Variants in HNRNPUL1 observed in about 807,000 individuals in gnomAD.
HNRNPUL1 encodes the protein heterogeneous nuclear ribonucleoprotein U like 1.
HNRNPUL1 carries 14 observed loss-of-function variants against 108.5 expected under a neutral mutation model. The observed-to-expected ratio is 0.13, with a 90% CI of 0.09 to 0.20. The LOEUF (loss-of-function observed/expected upper bound fraction) is 0.20. Among genes scored for constraint, HNRNPUL1 ranks in the 10% least tolerant of loss-of-function variants. HNRNPUL1 has a pLI of 1.00. For synonymous variants in HNRNPUL1, 422 were observed against 445.2 expected (o/e 0.95, Z 0.66); for missense variants, 804 against 1,168.3 (o/e 0.69, Z 4.55).
At chr19:41,273,801 G>A (rs1005556156) in intron 3 of HNRNPUL1, among the ~76,000 whole-genome samples, 181 bp from the exon 4 acceptor site, 8 of 152,144 alleles carry the variant, frequency 5.3e-5, no homozygotes, top group Non-Finnish European at 8.8e-5. Context: ...AGGAGTTGAC[G>A]GTCATTGCTC....
intron 3 of HNRNPUL1, among the ~76,000 whole-genome samples, chr19:41,273,069 C>T (rs1381772170): frequency 6.6e-6 from 1 of 152,210 alleles, no homozygotes; most frequent in East Asian, 1.9e-4. Flanking sequence ...GGACATGGAT[C>T]CCACCTCATA....
chr19:41,281,293 G>T lies in HNRNPUL1; in HGVS notation c.999+18G>T. 1 of 1,551,656 alleles carries T rather than the reference G, an allele frequency of 6.4e-7. No homozygotes were observed. The highest frequency in any genetic ancestry group is 8.9e-7 in the Non-Finnish European group (1 of 1,123,364). ...GCTTTGCGGTGAGTGCTAGCAGCCT[G>T]TGGGAGTTGGCAGAACCAGATGTTG... On this transcript the variant is annotated intron_variant, in intron 7 of 14. Transcript: ENST00000392006.
chr19:41,266,359 G>C (rs1388366134), intron 1 of HNRNPUL1, among the ~76,000 whole-genome samples: 1 of 152,106 alleles, frequency 6.6e-6, no homozygotes, highest in African/African-American at 2.4e-5. Flanking sequence ...CTTGAACTTG[G>C]GAGGGGGAGG....
rs1647925785 is a variant in HNRNPUL1 at position 41,264,495 on chromosome 19, G to A, written c.-9G>A. The stretch of plus-strand genomic sequence containing the variant: ...GCCGGGCTCGGGGGCCACCCCGGGG[G>A]CCCGGGCCATGGATGTGCGCCGTCT... On this transcript the variant is annotated 5_prime_UTR_variant, in exon 1 of 15. Transcript: ENST00000392006. 1 of 1,362,354 alleles carries A rather than the reference G, an allele frequency of 7.3e-7. No homozygotes were observed. 84.4% of individuals were successfully genotyped at this position (1,362,354 alleles called of 1,614,324 possible).
chr19:41,302,219 T>TTTTG (rs2037258070), intron 11 of HNRNPUL1, among the ~76,000 whole-genome samples: 1 of 143,488 alleles, frequency 7.0e-6, no homozygotes, highest in Non-Finnish European at 1.5e-5. Context: ...TCTCTGTTTT[T>TTTTG]TTTTTTTTTT....
intron 1 of HNRNPUL1, among the ~76,000 whole-genome samples, chr19:41,267,251 G>T (rs1325436321): frequency 6.6e-6 from 1 of 152,146 alleles, no homozygotes; most frequent in African/African-American, 2.4e-5. Context: ...TGAGAAGAGG[G>T]ATGTTTTAGA....
Position 41,294,542 on chromosome 19 carries a change from CAAT to C in HNRNPUL1, c.1390-15_1390-13del. 5 of 1,614,020 alleles carry C rather than the reference CAAT, an allele frequency of 3.1e-6. No homozygotes were observed. Among genetic ancestry groups the C allele is most frequent in the Non-Finnish European group, 4.2e-6 (5 of 1,179,896 alleles). The stretch of plus-strand genomic sequence containing the variant: ...GCAACTAAAATCACTCACCCCTCAC[CAAT>C]TCCTGCCCGCAGGTGATGGGCCTAC... On this transcript the variant is annotated splice_polypyrimidine_tract_variant and intron_variant, in intron 9 of 14. Transcript: ENST00000392006. The surrounding 1 kb of genome is among the most constrained non-coding windows in gnomAD (Gnocchi z 4.3).
chr19:41,300,076 C>T (rs1046542552), intron 10 of HNRNPUL1, among the ~76,000 whole-genome samples: 1 of 152,168 alleles, frequency 6.6e-6, no homozygotes, highest in Non-Finnish European at 1.5e-5. Flanking sequence ...GCACTGCCCG[C>T]TTCCTGTCAA....
chr19:41,301,688 G>C lies in HNRNPUL1; in HGVS notation c.1671G>C (p.Ala557=), dbSNP rs768611706. 3 of 1,613,044 alleles carry C rather than the reference G, an allele frequency of 1.9e-6. No individual in the cohort carries two copies. The highest frequency in any genetic ancestry group is 3.3e-5 in the Admixed American group (2 of 59,816). ...AAGGGAAGGATGTCCCAGATCATGCGGTCTTAGAAATGAAAGGTAGGAAAT... is the reference window on the plus strand; with the variant it reads ...AAGGGAAGGATGTCCCAGATCATGCCGTCTTAGAAATGAAAGGTAGGAAAT... ...DEEGKDVPDH[A]VLEMKANFTL... The change falls in exon 11 of 15, where the codon GCG becomes GCC. Residue 557 remains alanine (A), a synonymous_variant. Transcript: ENST00000392006.
chr19:41,265,450 G>A, intron 1 of HNRNPUL1: 3 of 1,367,910 alleles, frequency 2.2e-6, no homozygotes, highest in Non-Finnish European at 2.9e-6. Flanking sequence ...AGGGGCTGCG[G>A]GAGATTGAAC....
At position 41,304,068 on chromosome 19, in the gene HNRNPUL1, G is replaced by A. The variant is rs776344399; in HGVS notation, c.2069G>A (p.Arg690Gln). The change falls in exon 13 of 15, where the codon CGG (arginine) becomes CAG (glutamine). Residue 690 changes from arginine to glutamine, a missense_variant. Arg to Gln is a conservative substitution (Grantham distance 43). Transcript: ENST00000392006. ...TCCAACAACAGAGGCAGCTACAACC[G>A]GGCTCCCCAGCAACAGCCGCCACCA... Reference protein sequence around the residue: ...NNSNNRGSYNRAPQQQPPPQQ... With the variant: ...NNSNNRGSYNQAPQQQPPPQQ... The A allele has an allele frequency of 5.6e-6, 9 of 1,613,280 alleles. No homozygotes were observed. The highest frequency in any genetic ancestry group is 3.3e-5 in the South Asian group (3 of 91,070).
intron 2 of HNRNPUL1, among the ~76,000 whole-genome samples, chr19:41,271,339 C>G (rs1229003093): frequency 6.6e-6 from 1 of 152,194 alleles, no homozygotes. Flanking sequence ...CCTGTGTGAG[C>G]CCAACCTATT....
chr19:41,284,633 A>C (rs957157492), intron 7 of HNRNPUL1, among the ~76,000 whole-genome samples: 1 of 152,144 alleles, frequency 6.6e-6, no homozygotes, highest in Non-Finnish European at 1.5e-5. Flanking sequence ...AGCCTGGATG[A>C]CAGAATGAGA....
rs1599855696 is a variant in HNRNPUL1 at position 41,302,842 on chromosome 19, G to A, written c.1865G>A (p.Gly622Asp). ...RGGGGFRGRG[G>D]GGGFQRYENR... Reference sequence around the variant, plus strand: ...GGTGGTGGCTTCCGGGGCCGCGGGGGTGGTGGTGGCTTCCAGCGCTATGAA... The same window carrying A: ...GGTGGTGGCTTCCGGGGCCGCGGGGATGGTGGTGGCTTCCAGCGCTATGAA... Residue 622 changes from glycine to aspartate, a missense_variant, in exon 12 of 15, where the codon GGT becomes GAT. This residue lies in a region of HNRNPUL1 where 294 missense variants were observed against 388.3 expected (regional missense o/e 0.76). Transcript: ENST00000392006. 2 of 1,592,360 alleles carry A rather than the reference G, an allele frequency of 1.3e-6. No homozygotes were observed. The highest frequency in any genetic ancestry group is 1.7e-6 in the Non-Finnish European group (2 of 1,167,324).
At chr19:41,295,786 G>T (rs1313747195) in intron 10 of HNRNPUL1, among the ~76,000 whole-genome samples, 1 of 152,244 alleles carries the variant, frequency 6.6e-6, no homozygotes, top group Non-Finnish European at 1.5e-5. Context: ...GGCTTTGTCA[G>T]AATGGTAGTT....
At chr19:41,274,661 A>G (rs1484207235) in intron 4 of HNRNPUL1, among the ~76,000 whole-genome samples, 4 of 152,220 alleles carry the variant, frequency 2.6e-5, no homozygotes, top group Non-Finnish European at 4.4e-5. Context: ...TCAAGAGTCT[A>G]AGTGGTCGAG....
intron 1 of HNRNPUL1, 53 bp from the exon 2 acceptor site, chr19:41,268,170 A>G: frequency 6.3e-7 from 1 of 1,596,754 alleles, no homozygotes; most frequent in Non-Finnish European, 8.5e-7. Context: ...GCTTTGGTCC[A>G]GGGTTCTTCA....
intron 2 of HNRNPUL1, 62 bp downstream of exon 2, chr19:41,268,407 C>A (rs556486583): frequency 1.2e-5 from 18 of 1,559,328 alleles, no homozygotes; most frequent in South Asian, 1.1e-4. Flanking sequence ...GCCTTTACCC[C>A]CTGCTTAGAG....
chr19:41,300,884 A>AG (rs1298770154), intron 10 of HNRNPUL1, among the ~76,000 whole-genome samples: 2 of 152,240 alleles, frequency 1.3e-5, no homozygotes, highest in African/African-American at 4.8e-5. Flanking sequence ...AGAAGGACTG[A>AG]GGGAATAAAA....
Sources: allele counts gnomAD v4.1 joint callset (sites outside exome capture counted in the v4.1 genomes callset), GRCh38; gene constraint gnomAD v4.1.1; regional missense constraint gnomAD v4.1.1; non-coding constraint Gnocchi (gnomAD v3.1); transcripts MANE v1.5; gene names NCBI Gene and HGNC (gene_info 2026-07-23, HGNC 2026-07-21).